Variants in SKAP2 observed in about 807,000 individuals in gnomAD.
The protein encoded by SKAP2 is src kinase-associated phosphoprotein 2.
Under a neutral mutation model 54.9 loss-of-function variants are expected in SKAP2, and 28 were observed. That is an observed-to-expected ratio of 0.51 (90% confidence interval 0.38 to 0.70). SKAP2 has a LOEUF of 0.70. SKAP2 is among the 30% of genes least tolerant of loss of function. The probability of loss-of-function intolerance (pLI) is 0.00; values close to 1 mark genes in which losing one functional copy is unlikely to be tolerated. For synonymous variants in SKAP2, 137 were observed against 134.3 expected, an observed-to-expected ratio of 1.02 and a Z score of -0.14; for missense variants, 356 against 424.1, an observed-to-expected ratio of 0.84 and a Z score of 1.41.
At chr7:26,841,968 G>A (rs1302047737) in intron 4 of SKAP2, among the ~76,000 whole-genome samples, 2 of 151,794 alleles carry the variant, frequency 1.3e-5, no homozygotes, top group Non-Finnish European at 2.9e-5. Flanking sequence ...TTATTGGACT[G>A]AGGTCACATA....
chr7:26,746,829 T>C (rs904331605), intron 4 of SKAP2: 2 of 152,252 alleles, frequency 1.3e-5, no homozygotes, highest in South Asian at 4.1e-4. Flanking sequence ...TTATATCAAA[T>C]GTGGAAATTG....
intron 4 of SKAP2, among the ~76,000 whole-genome samples, chr7:26,834,361 G>A (rs1485232209): frequency 2.6e-5 from 4 of 152,026 alleles, no homozygotes; most frequent in Non-Finnish European, 4.4e-5. Context: ...AACTGAAGGA[G>A]ATAGAGACAC....
intron 4 of SKAP2, among the ~76,000 whole-genome samples, chr7:26,818,970 C>A (rs778982391): frequency 6.6e-6 from 1 of 152,042 alleles, no homozygotes; most frequent in African/African-American, 2.4e-5. Context: ...TTACACTGTT[C>A]GTGGGAGTGT....
chr7:26,840,276 T>C (rs1307701329), intron 4 of SKAP2, among the ~76,000 whole-genome samples: 1 of 152,078 alleles, frequency 6.6e-6, no homozygotes, highest in Non-Finnish European at 1.5e-5. Flanking sequence ...TAGGACTGAA[T>C]CAGATTTGTA....
intron 6 of SKAP2, among the ~76,000 whole-genome samples, chr7:26,731,359 G>C (rs548981071): frequency 6.6e-6 from 1 of 152,084 alleles, no homozygotes. Context: ...ATGTTATTTT[G>C]CATTTCGTCC....
intron 9 of SKAP2, among the ~76,000 whole-genome samples, chr7:26,714,374 T>C (rs1728289617): frequency 6.6e-6 from 1 of 152,216 alleles, no homozygotes; most frequent in African/African-American, 2.4e-5. Context: ...CTATAAGCAG[T>C]TGTTATTTCT....
At chr7:26,862,177 A>G (rs1329743542) in intron 1 of SKAP2, among the ~76,000 whole-genome samples, 1 of 152,068 alleles carries the variant, frequency 6.6e-6, no homozygotes, top group African/African-American at 2.4e-5. Flanking sequence ...TATGAAAAGA[A>G]TCATGTACAA....
chr7:26,739,984 G>GAAA lies in SKAP2; in HGVS notation c.308-23_308-21dup. 2 of 1,339,256 alleles carry GAAA rather than the reference G, an allele frequency of 1.5e-6. No homozygotes were observed. The highest frequency in any genetic ancestry group is 2.0e-6 in the Non-Finnish European group (2 of 990,730). 83.0% of individuals were successfully genotyped at this position (1,339,256 alleles called of 1,614,324 possible). ...GGGCTCCTATGAGAAGTTGGGGAGA[G>GAAA]AAAAAAAAAAGCAGTGGGTAATCCA... On this transcript the variant is annotated intron_variant, in intron 4 of 12. Transcript: ENST00000345317.
intron 10 of SKAP2, among the ~76,000 whole-genome samples, chr7:26,685,482 C>T (rs1786615824): frequency 6.6e-6 from 1 of 152,138 alleles, no homozygotes; most frequent in Non-Finnish European, 1.5e-5. Flanking sequence ...TTTTTAGCAA[C>T]TTTGAAATTG....
At chr7:26,794,564 G>C (rs140684310) in intron 4 of SKAP2, among the ~76,000 whole-genome samples, 1 of 152,248 alleles carries the variant, frequency 6.6e-6, no homozygotes, top group Non-Finnish European at 1.5e-5. Flanking sequence ...CATGCTGTTT[G>C]CAAGTGGTTG....
intron 4 of SKAP2, among the ~76,000 whole-genome samples, chr7:26,759,571 G>A (rs1782879055): frequency 6.6e-6 from 1 of 152,142 alleles, no homozygotes; most frequent in South Asian, 2.1e-4. Flanking sequence ...TTGCTGACAG[G>A]ATAAGCTCTA....
downstream of SKAP2, among the ~76,000 whole-genome samples, chr7:26,663,752 T>C (rs1031396483): frequency 2.0e-5 from 3 of 152,066 alleles, no homozygotes; most frequent in Non-Finnish European, 4.4e-5. Context: ...GGGCTTCACA[T>C]TGGAGGAGGT....
chr7:26,834,441 C>A (rs1249421633), intron 4 of SKAP2, among the ~76,000 whole-genome samples: 1 of 151,968 alleles, frequency 6.6e-6, no homozygotes, highest in Non-Finnish European at 1.5e-5. Context: ...AATAGATAGA[C>A]CACTAACCAG....
intron 9 of SKAP2, among the ~76,000 whole-genome samples, chr7:26,700,201 T>C (rs1786992039): frequency 6.6e-6 from 1 of 152,220 alleles, no homozygotes; most frequent in African/African-American, 2.4e-5. Context: ...GAGTCAGTTA[T>C]CTGGTGGTCT....
At chr7:26,755,070 T>C (rs1584370696) in intron 4 of SKAP2, among the ~76,000 whole-genome samples, 1 of 152,338 alleles carries the variant, frequency 6.6e-6, no homozygotes, top group East Asian at 1.9e-4. Flanking sequence ...CATGTCTGAA[T>C]AGACCATGAT....
At chr7:26,656,786 G>A in the SKAP2 span, among the ~76,000 whole-genome samples, 4 of 152,120 alleles carry the variant, frequency 2.6e-5, no homozygotes, top group Non-Finnish European at 5.9e-5. Context: ...TAATATGGGT[G>A]AAGTACCTCT....
At position 26,739,935 on chromosome 7, in the gene SKAP2, C is replaced by A. The variant is rs1782394929; in HGVS notation, c.337G>T (p.Asp113Tyr). The change falls in exon 5 of 13, where the codon GAC (aspartate) becomes TAC (tyrosine). Residue 113 changes from aspartate (D) to tyrosine (Y), a missense_variant. Asp to Tyr is a radical substitution (Grantham distance 160). Coordinates refer to ENST00000345317, the MANE Select transcript of SKAP2 (RefSeq NM_003930.5). ...CCAGCCTTTAGAACAAAAGGAAGGTCTTGTGCTGCAATTGGAGGAAACTGG... is the reference window on the plus strand; with the variant it reads ...CCAGCCTTTAGAACAAAAGGAAGGTATTGTGCTGCAATTGGAGGAAACTGG... Reference protein sequence around the residue: ...GAQFPPIAAQDLPFVLKAGYL... With the variant: ...GAQFPPIAAQYLPFVLKAGYL... 3 of 1,611,256 alleles carry A rather than the reference C, an allele frequency of 1.9e-6. No individual in the cohort carries two copies. The highest frequency in any genetic ancestry group is 2.5e-6 in the Non-Finnish European group (3 of 1,179,022).
chr7:26,841,118 A>G (rs1784808405), intron 4 of SKAP2, among the ~76,000 whole-genome samples: 1 of 152,086 alleles, frequency 6.6e-6, no homozygotes, highest in Non-Finnish European at 1.5e-5. Context: ...CTTTCAGGCA[A>G]CTAGTATTAA....
chr7:26,696,899 C>T (rs1030016000), intron 9 of SKAP2, among the ~76,000 whole-genome samples: 1 of 152,066 alleles, frequency 6.6e-6, no homozygotes, highest in Non-Finnish European at 1.5e-5. Context: ...CAGAGCAAGA[C>T]GCTGTCTCTA....
Sources: allele counts gnomAD v4.1 joint callset (sites outside exome capture counted in the v4.1 genomes callset), GRCh38; gene constraint gnomAD v4.1.1; transcripts MANE v1.5; gene names NCBI Gene and HGNC (gene_info 2026-07-23, HGNC 2026-07-21).